UNC13C: variants seen among roughly 807,000 people sequenced by gnomAD.
UNC13C encodes protein unc-13 homolog C.
In UNC13C, 174 loss-of-function variants were observed where a neutral mutation model predicts 245.4. The ratio of observed to expected loss-of-function variants is 0.71; its 90% confidence interval spans 0.63 to 0.80. The LOEUF (loss-of-function observed/expected upper bound fraction) is 0.80, where lower values mean the gene tolerates loss of function less well. Among genes scored for constraint, UNC13C ranks in the 30% least tolerant of loss-of-function variants. The pLI, the probability that UNC13C is intolerant of heterozygous loss-of-function variation, is 0.00. For missense variants in UNC13C, 2,829 were observed against 2,602.9 expected (o/e 1.09, Z -1.89); for synonymous variants, 992 against 895.1 (o/e 1.11, Z -1.93).
the UNC13C span, among the ~76,000 whole-genome samples, chr15:53,932,845 C>G: frequency 3.9e-5 from 6 of 152,290 alleles, no homozygotes; most frequent in African/African-American, 1.4e-4. Context: ...CCCACATACT[C>G]AACTATCTCT....
intron 30 of UNC13C, among the ~76,000 whole-genome samples, chr15:54,595,998 GA>G (rs915175338): frequency 1.2e-4 from 18 of 148,954 alleles, no homozygotes; most frequent in East Asian, 2.0e-4. Flanking sequence ...AGAATTTGAA[GA>G]AAAAAAAAAG....
chr15:54,294,660 CAT>C (rs1212437411), intron 11 of UNC13C, among the ~76,000 whole-genome samples: 20 of 151,964 alleles, frequency 1.3e-4, no homozygotes, highest in Non-Finnish European at 2.8e-4. Context: ...AAAATAATAA[CAT>C]AGAATTTTCT....
At chr15:54,362,008 T>A (rs2039243065) in intron 17 of UNC13C, among the ~76,000 whole-genome samples, 1 of 376 alleles carries the variant, frequency 2.7e-3, no homozygotes, top group South Asian at 0.071. Context: ...ACATCTGGGT[T>A]TGTAAAAAAA....
chr15:54,010,685 A>T (rs2140987574), intron 1 of UNC13C, among the ~76,000 whole-genome samples: 1 of 152,314 alleles, frequency 6.6e-6, no homozygotes, highest in Non-Finnish European at 1.5e-5. Flanking sequence ...AATTTTAGAA[A>T]TTTAGGATTT....
chr15:54,009,990 T>A (rs1279369341), intron 1 of UNC13C, among the ~76,000 whole-genome samples: 1 of 152,158 alleles, frequency 6.6e-6, no homozygotes, highest in Non-Finnish European at 1.5e-5. Context: ...CTGCTCCCCA[T>A]CAGAGGCATC....
At chr15:53,977,255 G>A (rs1478218), upstream of UNC13C, among the ~76,000 whole-genome samples, 52,648 of 152,028 alleles carry the variant, frequency 0.35, 10,754 homozygotes, top group Middle Eastern at 0.49. Flanking sequence ...TCACATTTGG[G>A]GACACTTTTT....
intron 19 of UNC13C, among the ~76,000 whole-genome samples, chr15:54,467,506 AT>A (rs1185769512): frequency 1.3e-5 from 2 of 151,532 alleles, no homozygotes; most frequent in African/African-American, 4.8e-5. Context: ...TCCCTTAGCT[AT>A]TTTGAAATAC....
At chr15:53,942,975 T>C in the UNC13C span, among the ~76,000 whole-genome samples, 1 of 152,188 alleles carries the variant, frequency 6.6e-6, no homozygotes, top group African/African-American at 2.4e-5. Context: ...TCCTGTAGTT[T>C]TTGCTTGATA....
At chr15:54,226,066 C>A (rs1300139159) in intron 4 of UNC13C, among the ~76,000 whole-genome samples, 11 of 152,064 alleles carry the variant, frequency 7.2e-5, no homozygotes, top group Admixed American at 7.2e-4. Context: ...GAGATAAGCA[C>A]ATGGTTTTTG....
chr15:54,035,636 T>C (rs1896547573), intron 2 of UNC13C, among the ~76,000 whole-genome samples: 1 of 152,064 alleles, frequency 6.6e-6, no homozygotes, highest in African/African-American at 2.4e-5. Context: ...TCTGACCCGA[T>C]TTACAGAGAG....
At chr15:54,589,593 A>C (rs1898674190) in intron 30 of UNC13C, among the ~76,000 whole-genome samples, 1 of 151,876 alleles carries the variant, frequency 6.6e-6, no homozygotes, top group African/African-American at 2.4e-5. Flanking sequence ...CACCGCGCCC[A>C]GCCAGCCATT....
chr15:54,389,872 G>T (rs2140911985), intron 17 of UNC13C, among the ~76,000 whole-genome samples: 1 of 152,224 alleles, frequency 6.6e-6, no homozygotes, highest in South Asian at 2.1e-4. Flanking sequence ...GGGACTACAG[G>T]CATGTGCCAC....
At chr15:53,919,311 T>A in the UNC13C span, among the ~76,000 whole-genome samples, 1 of 152,194 alleles carries the variant, frequency 6.6e-6, no homozygotes, top group Non-Finnish European at 1.5e-5. Flanking sequence ...CAGTGATGTG[T>A]CTGGCACATC....
chr15:54,522,137 C>T (rs1318616707), intron 24 of UNC13C, among the ~76,000 whole-genome samples: 2 of 150,564 alleles, frequency 1.3e-5, no homozygotes, highest in African/African-American at 4.9e-5. Flanking sequence ...AAAAGTAAGC[C>T]TTAAGGAAAA....
intron 19 of UNC13C, among the ~76,000 whole-genome samples, chr15:54,488,080 A>G (rs1893517770): frequency 6.6e-6 from 1 of 152,164 alleles, no homozygotes; most frequent in Non-Finnish European, 1.5e-5. Context: ...AACTCATCCT[A>G]CCTTATTTTT....
chr15:53,939,037 A>T, the UNC13C span, among the ~76,000 whole-genome samples: 38 of 152,032 alleles, frequency 2.5e-4, no homozygotes, highest in Non-Finnish European at 5.1e-4. Flanking sequence ...AAAAACTCTT[A>T]AAAAAATCAG....
chr15:54,167,354 T>C (rs2033201921), intron 4 of UNC13C, among the ~76,000 whole-genome samples: 2 of 150,760 alleles, frequency 1.3e-5, no homozygotes, highest in Admixed American at 1.3e-4. Flanking sequence ...TACAAAAAAT[T>C]AGCCGGGCGT....
At chr15:54,317,946 A>C (rs552442936) in intron 13 of UNC13C, among the ~76,000 whole-genome samples, 1 of 151,852 alleles carries the variant, frequency 6.6e-6, no homozygotes, top group Admixed American at 6.6e-5. Flanking sequence ...TACTTCTCTG[A>C]CTTCAACCTT....
chr15:54,452,210 C>T (rs1015772891), intron 19 of UNC13C, among the ~76,000 whole-genome samples: 2 of 152,138 alleles, frequency 1.3e-5, no homozygotes, highest in Non-Finnish European at 2.9e-5. Context: ...ACACTGGCCT[C>T]CATATTGGCA....
Sources: gnomAD v4.1 joint callset for allele counts (sites outside exome capture counted in the v4.1 genomes callset) on GRCh38, gnomAD v4.1.1 for gene constraint, MANE v1.5 for transcripts, NCBI Gene and HGNC (gene_info 2026-07-23, HGNC 2026-07-21) for gene names.